Variants in KCNU1 observed in about 807,000 individuals in gnomAD.
KCNU1 encodes the protein potassium calcium-activated channel subfamily U member 1, also known as potassium channel subfamily U member 1.
In KCNU1, 93 loss-of-function variants were observed where a neutral mutation model predicts 126.8. The observed-to-expected ratio is 0.73, with a 90% CI of 0.62 to 0.87. The LOEUF (loss-of-function observed/expected upper bound fraction) is 0.87, where lower values mean the gene tolerates loss of function less well. Ranked by LOEUF, KCNU1 falls within the 40% of genes least tolerant of loss-of-function variation. KCNU1 has a pLI of 0.00. For missense variants in KCNU1, 1,330 were observed against 1,367.1 expected (o/e 0.97, Z 0.43); for synonymous variants, 523 against 494.2 (o/e 1.06, Z -0.77).
intron 19 of KCNU1, among the ~76,000 whole-genome samples, chr8:36,895,298 C>T (rs1365877986): frequency 6.6e-6 from 1 of 151,990 alleles, no homozygotes. Context: ...AGGCTGGTCT[C>T]AAACACCTGG....
At chr8:36,820,277 A>T (rs963981399) in intron 10 of KCNU1, among the ~76,000 whole-genome samples, 10 of 152,188 alleles carry the variant, frequency 6.6e-5, no homozygotes, top group African/African-American at 2.4e-4. Context: ...TGTTTTGCAG[A>T]AATAGATAAT....
chr8:36,861,377 A>G (rs1365220801), intron 18 of KCNU1, among the ~76,000 whole-genome samples: 1 of 152,186 alleles, frequency 6.6e-6, no homozygotes, highest in African/African-American at 2.4e-5. Context: ...TAGTGACTAC[A>G]ATAGCTTTCT....
chr8:36,905,702 AT>A lies in KCNU1; in HGVS notation c.2010-3del, dbSNP rs768364353. ...CTCAAACTAACTCTCCATTCTTCCT[AT>A]TTAGGACTCTTCAACATGATGTAGA... On this transcript the variant is annotated splice_region_variant and splice_polypyrimidine_tract_variant and intron_variant, in intron 19 of 26. Transcript: ENST00000399881. 6.7e-7 allele frequency: 1 copy of A among 1,494,382 alleles called. No homozygotes were observed. The highest frequency in any genetic ancestry group is 1.4e-5 in the African/African-American group (1 of 72,572). The allele number at this position is 1,494,382 out of a possible 1,614,324, so 92.6% of individuals were successfully genotyped here. A position where few individuals can be genotyped will look rare whatever the true frequency, so the allele number is the denominator to read the frequency against.
intron 10 of KCNU1, among the ~76,000 whole-genome samples, chr8:36,826,504 T>A (rs1203805535): frequency 6.6e-6 from 1 of 152,036 alleles, no homozygotes; most frequent in Non-Finnish European, 1.5e-5. Flanking sequence ...GCCACTGCGC[T>A]AGGCCGTATG....
chr8:36,807,794 C>T (rs1384570822), intron 6 of KCNU1, among the ~76,000 whole-genome samples: 1 of 148,920 alleles, frequency 6.7e-6, no homozygotes, highest in Non-Finnish European at 1.5e-5. Context: ...TTTAGTAACT[C>T]ATGTCTCTCC....
intron 18 of KCNU1, among the ~76,000 whole-genome samples, chr8:36,849,417 C>T (rs374100579): frequency 6.0e-4 from 91 of 151,968 alleles, no homozygotes; most frequent in African/African-American, 2.2e-3. Context: ...GGTGAAACCC[C>T]GTCTGTACTA....
chr8:36,902,084 G>T (rs1286885472), intron 19 of KCNU1, among the ~76,000 whole-genome samples: 1 of 152,130 alleles, frequency 6.6e-6, no homozygotes, highest in Non-Finnish European at 1.5e-5. Context: ...TTTAGTTAAG[G>T]GATGGTGATG....
intron 7 of KCNU1, among the ~76,000 whole-genome samples, chr8:36,809,657 G>C (rs1803636473): frequency 6.6e-6 from 1 of 152,176 alleles, no homozygotes; most frequent in Non-Finnish European, 1.5e-5. Context: ...CAGCAGTAAA[G>C]GCTGATTCCT....
At chr8:36,794,877 T>A (rs1439931008) in intron 2 of KCNU1, among the ~76,000 whole-genome samples, 1 of 151,964 alleles carries the variant, frequency 6.6e-6, no homozygotes, top group East Asian at 1.9e-4. Flanking sequence ...TGCAGGGAGC[T>A]GAGATTGCAC....
At chr8:36,869,182 C>T (rs1315384395) in intron 19 of KCNU1, among the ~76,000 whole-genome samples, 2 of 151,998 alleles carry the variant, frequency 1.3e-5, no homozygotes, top group South Asian at 2.1e-4. Context: ...AAAGTAGGTG[C>T]GAATAATCTC....
intron 2 of KCNU1, among the ~76,000 whole-genome samples, chr8:36,792,390 GA>G (rs926576473): frequency 3.9e-5 from 6 of 152,164 alleles, no homozygotes; most frequent in African/African-American, 1.4e-4. Flanking sequence ...GAAGCCAGTG[GA>G]GGTAAAATTA....
intron 19 of KCNU1, among the ~76,000 whole-genome samples, chr8:36,882,527 C>T (rs1806525509): frequency 6.6e-6 from 1 of 152,176 alleles, no homozygotes; most frequent in Non-Finnish European, 1.5e-5. Flanking sequence ...TGCATAAACC[C>T]CATCGTCCTC....
chr8:36,928,531 T>C (rs1808600247), intron 24 of KCNU1, among the ~76,000 whole-genome samples: 1 of 152,162 alleles, frequency 6.6e-6, no homozygotes, highest in African/African-American at 2.4e-5. Context: ...GAAATTCCTT[T>C]AGTCTGGGGA....
intron 2 of KCNU1, among the ~76,000 whole-genome samples, chr8:36,798,434 G>A (rs914360348): frequency 6.6e-6 from 1 of 152,196 alleles, no homozygotes; most frequent in African/African-American, 2.4e-5. Context: ...GCTGTCCTTT[G>A]TGGGGGAATA....
intron 10 of KCNU1, among the ~76,000 whole-genome samples, chr8:36,830,804 A>T (rs1174136745): frequency 6.6e-6 from 1 of 151,542 alleles, no homozygotes; most frequent in Non-Finnish European, 1.5e-5. Context: ...CATGTGCACA[A>T]TGTGCAGGTT....
intron 19 of KCNU1, among the ~76,000 whole-genome samples, chr8:36,880,491 A>C (rs1191805103): frequency 6.6e-6 from 1 of 152,154 alleles, no homozygotes; most frequent in Non-Finnish European, 1.5e-5. Context: ...TGTCGAACAC[A>C]GGCTTTCTGA....
chr8:36,928,205 G>C (rs1171721711), intron 24 of KCNU1, among the ~76,000 whole-genome samples: 1 of 152,100 alleles, frequency 6.6e-6, no homozygotes, highest in Non-Finnish European at 1.5e-5. Context: ...CAGAACTGAA[G>C]AAATGATATA....
chr8:36,804,219 A>G, intron 3 of KCNU1, 131 bp downstream of exon 3: 1 of 660,096 alleles, frequency 1.5e-6, no homozygotes, highest in South Asian at 1.8e-5. Context: ...AAACTCATAA[A>G]AAGTGATATG....
At chr8:36,875,893 C>G (rs1322064185) in intron 19 of KCNU1, among the ~76,000 whole-genome samples, 1 of 152,088 alleles carries the variant, frequency 6.6e-6, no homozygotes, top group Non-Finnish European at 1.5e-5. Context: ...AGCTGTTGCC[C>G]ACAGCATAGA....
Sources: gnomAD v4.1 joint callset for allele counts (sites outside exome capture counted in the v4.1 genomes callset) on GRCh38, gnomAD v4.1.1 for gene constraint, MANE v1.5 for transcripts, NCBI Gene and HGNC (gene_info 2026-07-23, HGNC 2026-07-21) for gene names.